RNF39: variants seen among roughly 807,000 people sequenced by gnomAD.
RNF39 encodes LTP (long-term potentiation) induced RING finger protein.
A neutral mutation model predicts 29.2 loss-of-function variants in RNF39; 25 were observed. The observed-to-expected ratio is 0.86, with a 90% confidence interval of 0.62 to 1.20. RNF39 has a LOEUF of 1.20. Among genes scored for constraint, RNF39 ranks in the 50% most tolerant of loss-of-function variants. The probability of loss-of-function intolerance (pLI) is 0.00; values close to 1 mark genes in which losing one functional copy is unlikely to be tolerated. For synonymous variants in RNF39, 219 were observed against 229.0 expected (o/e 0.96, Z 0.40); for missense variants, 519 against 515.0 (o/e 1.01, Z -0.08).
rs747366613 is a variant in RNF39, at chr6:30,075,277, C to A, written c.309G>T (p.Gly103=). The part of the protein sequence containing the change: ...EKLAEPGARA[G]RRRGGRIPTM... ...TGGGGATGCGCCCCCCTCGGCGTCT[C>A]CCCGCACGGGCCCCAGGCTCAGCCA... Residue 103 remains glycine (G), a synonymous_variant, in exon 1 of 4, where the codon GGG becomes GGT. Coordinates refer to ENST00000244360, the MANE Select transcript of RNF39 (RefSeq NM_025236.4). 4 of 1,599,298 alleles carry A rather than the reference C, an allele frequency of 2.5e-6. No homozygotes were observed. Among genetic ancestry groups the A allele is most frequent in the Non-Finnish European group, 3.4e-6 (4 of 1,176,168 alleles).
In RNF39 at chr6:30,071,336, G is replaced by A. The variant is rs1322924802; in HGVS notation, c.834C>T (p.Ala278=). 1 of 1,467,268 alleles carries A rather than the reference G, an allele frequency of 6.8e-7. No individual in the cohort carries two copies. Among genetic ancestry groups the A allele is most frequent in the South Asian group, 1.4e-5 (1 of 70,070 alleles). The allele number at this position is 1,467,268 out of a possible 1,614,324, so 90.9% of individuals were successfully genotyped here. A position where few individuals can be genotyped will look rare whatever the true frequency, so the allele number is the denominator to read the frequency against. The part of the protein sequence containing the change: ...AVEGRGGRLW[A]LTAPEPTLLG... The stretch of plus-strand genomic sequence containing the variant: ...GCAGGGTGGGTTCGGGTGCCGTGAG[G>A]GCCCACAGGCGGCCGCCGCGGCCCT... The change falls in exon 4 of 4, where the codon GCC becomes GCT. Residue 278 remains alanine, a synonymous_variant. Coordinates refer to ENST00000244360, the MANE Select transcript of RNF39 (RefSeq NM_025236.4). This position sits in a 1 kb window ranked among gnomAD's most constrained non-coding sequence, Gnocchi z 5.0.
rs769873687 is a variant in RNF39 at position 30,073,268 on chromosome 6, G to A, written c.387-20C>T. 1 of 1,572,518 alleles carries A rather than the reference G, an allele frequency of 6.4e-7. No homozygotes were observed. Among genetic ancestry groups the A allele is most frequent in the Non-Finnish European group, 8.8e-7 (1 of 1,142,602 alleles). On this transcript the variant is annotated intron_variant, in intron 2 of 3. Transcript: ENST00000244360. ...TCAAATCTACACAGATGAGGGGAAG[G>A]GTCAGGAAATCAGCCCTCTGATCCT...
chr6:30,073,194 A>G lies in RNF39; in HGVS notation c.441T>C (p.Asp147=), dbSNP rs774744244. The change falls in exon 3 of 4, where the codon GAT becomes GAC. Residue 147 remains aspartate, a synonymous_variant. Coordinates refer to ENST00000244360, the MANE Select transcript of RNF39 (RefSeq NM_025236.4). ...GAAGCATTTTTTTGACCACTGGATA[A>G]TCTTCAGGGAGATCATCCTCTGAAT... ...SSNSEDDLPE[D]YPVVKKMLHR... 17 of 1,612,554 alleles carry G rather than the reference A, an allele frequency of 1.1e-5. No individual in the cohort carries two copies. In the East Asian group the frequency reaches 3.8e-4, roughly 36 times the overall value.
chr6:30,074,358 G>C lies in RNF39; in HGVS notation c.363+865C>G, dbSNP rs895222492. Among the ~76,000 whole-genome samples the C allele has an allele frequency of 6.6e-6, 1 of 152,206 alleles. No homozygotes were observed. Among genetic ancestry groups the C allele is most frequent in the Non-Finnish European group, 1.5e-5 (1 of 68,032 alleles). ...GGGAAGAAGCCAGTCAGGAGTCCCAGACGCCCAGGGGTCGGTCGGGCAAGG... is the reference window on the plus strand; with the variant it reads ...GGGAAGAAGCCAGTCAGGAGTCCCACACGCCCAGGGGTCGGTCGGGCAAGG... On this transcript the variant is annotated intron_variant, in intron 1 of 3. Coordinates refer to ENST00000244360, the MANE Select transcript of RNF39 (RefSeq NM_025236.4). The surrounding 1 kb of genome is among the most constrained non-coding windows in gnomAD (Gnocchi z 4.1).
At chr6:30,073,783 T>TGACTGTTTCTTGTCCTC (rs1033700323) in intron 1 of RNF39, among the ~76,000 whole-genome samples, 2 of 152,136 alleles carry the variant, frequency 1.3e-5, no homozygotes, top group African/African-American at 2.4e-5. Context: ...GGCTCGTCCG[T>TGACTGTTTCTTGTCCTC]GACTGTTTCT....
At position 30,075,283 on chromosome 6, in the gene RNF39, A is replaced by T; in HGVS notation, c.303T>A (p.Arg101=). ...LREKLAEPGA[R]AGRRRGGRIP... is the part of the protein sequence containing the mutation. ...TGCGCCCCCCTCGGCGTCTCCCCGC[A>T]CGGGCCCCAGGCTCAGCCAGCTTCT... The change falls in exon 1 of 4, where the codon CGT becomes CGA. Residue 101 remains arginine (R), a synonymous_variant. Coordinates refer to ENST00000244360, the MANE Select transcript of RNF39 (RefSeq NM_025236.4). The T allele has an allele frequency of 2.5e-6, 4 of 1,598,900 alleles. No individual in the cohort carries two copies. Among genetic ancestry groups the T allele is most frequent in the Non-Finnish European group, 3.4e-6 (4 of 1,175,726 alleles).
chr6:30,071,620 G>A lies in RNF39; in HGVS notation c.550C>T (p.Leu184=). The change falls in exon 4 of 4, where the codon CTG becomes TTG. Residue 184 remains leucine, a synonymous_variant. Coordinates refer to ENST00000244360, the MANE Select transcript of RNF39 (RefSeq NM_025236.4). This position sits in a 1 kb window ranked among gnomAD's most constrained non-coding sequence, Gnocchi z 5.0. Reference sequence around the variant, plus strand: ...GGCGCGGGCGTCCCTGGTGGGGCCAGTTGTACGCTGCGGCGGTCGGCGGAG... The same window carrying A: ...GGCGCGGGCGTCCCTGGTGGGGCCAATTGTACGCTGCGGCGGTCGGCGGAG... ...LISADRRSVQ[L]APPGTPAPPD... 1 of 1,451,484 alleles carries A rather than the reference G, an allele frequency of 6.9e-7. No individual in the cohort carries two copies. The allele number at this position is 1,451,484 out of a possible 1,614,324, so 89.9% of individuals were successfully genotyped here.
Position 30,074,177 on chromosome 6 carries a change from C to T in RNF39, c.364-699G>A, listed in dbSNP as rs1766217929. Among the ~76,000 whole-genome samples the T allele has an allele frequency of 6.6e-6, 1 of 152,226 alleles. No individual in the cohort carries two copies. Among genetic ancestry groups the T allele is most frequent in the Non-Finnish European group, 1.5e-5 (1 of 68,042 alleles). The stretch of plus-strand genomic sequence containing the variant: ...CCAAACACTGGGATACCGACCCCTC[C>T]ACTTCACTGTCTAGTGCTGATGGCT... On this transcript the variant is annotated intron_variant, in intron 1 of 3. Transcript: ENST00000244360. The surrounding 1 kb of genome is among the most constrained non-coding windows in gnomAD (Gnocchi z 4.1).
chr6:30,071,567 C>T lies in RNF39; in HGVS notation c.603G>A (p.Gln201=). 6.7e-7 allele frequency: 1 copy of T among 1,496,004 alleles called. No homozygotes were observed. The allele number at this position is 1,496,004 out of a possible 1,614,324, so 92.7% of individuals were successfully genotyped here. The change falls in exon 4 of 4, where the codon CAG becomes CAA. Residue 201 remains glutamine, a synonymous_variant. Coordinates refer to ENST00000244360, the MANE Select transcript of RNF39 (RefSeq NM_025236.4). The surrounding 1 kb of genome is among the most constrained non-coding windows in gnomAD (Gnocchi z 5.0). ...CCTGCGCACCCAGCACAGCTGGGAG[C>T]TGATCGAAGCGCTTGGGGCCGTCAG... The part of the protein sequence containing the change: ...APPDGPKRFD[Q]LPAVLGAQGF...
chr6:30,071,400 CA>C lies in RNF39; in HGVS notation c.769del (p.Cys257AlafsTer2), dbSNP rs750276013. The C allele has an allele frequency of 2.7e-6, 4 of 1,487,160 alleles. No homozygotes were observed. In the Admixed American group the frequency reaches 9.5e-5, roughly 35 times the overall value. The allele number at this position is 1,487,160 out of a possible 1,614,324, so 92.1% of individuals were successfully genotyped here. A position where few individuals can be genotyped will look rare whatever the true frequency, so the allele number is the denominator to read the frequency against. ...GGCCCCCGCAGGGCACAGCCTTACG[CA>C]GCCCTTGCGTTGCACTGATTCCCCG... is the stretch of plus-strand genomic sequence containing the variant. The part of the protein sequence containing the change: ...AAGESVQRKG[C>X]VRLCPAGAVW... On this transcript the variant is annotated frameshift_variant, in exon 4 of 4. Transcript: ENST00000244360. LOFTEE classifies it high-confidence loss of function. The surrounding 1 kb of genome is among the most constrained non-coding windows in gnomAD (Gnocchi z 5.0).
rs1766242086 is a variant in RNF39 at position 30,074,450 on chromosome 6, G to A, written c.363+773C>T. Among the ~76,000 whole-genome samples the A allele has an allele frequency of 6.6e-6, 1 of 152,042 alleles. No homozygotes were observed. The highest frequency in any genetic ancestry group is 1.5e-5 in the Non-Finnish European group (1 of 67,998). On this transcript the variant is annotated intron_variant, in intron 1 of 3. Coordinates refer to ENST00000244360, the MANE Select transcript of RNF39 (RefSeq NM_025236.4). The surrounding 1 kb of genome is among the most constrained non-coding windows in gnomAD (Gnocchi z 4.1). ...GGCGCGGGGGGTAGATGGGTGGTAA[G>A]ACTGGGATGTGGAGAGGAGCCAGAG...
rs376658209 is a variant in RNF39 at position 30,072,200 on chromosome 6, A to G, written c.479-509T>C. On this transcript the variant is annotated intron_variant, in intron 3 of 3. Coordinates refer to ENST00000244360, the MANE Select transcript of RNF39 (RefSeq NM_025236.4). The surrounding 1 kb of genome is among the most constrained non-coding windows in gnomAD (Gnocchi z 4.5). ...GGTATCCTGAGAAACCAGCCCACCC[A>G]CCCACAGGAATTGGGGGGTGGGGTG... is the stretch of plus-strand genomic sequence containing the variant. 2.4e-4 allele frequency among the ~76,000 whole-genome samples: 37 copies of G among 152,166 alleles called. 1 individual carries two copies. The East Asian group carries it at 3.5e-3, about 14-fold the overall frequency.
At position 30,072,770 on chromosome 6, in the gene RNF39, AG is replaced by A. The variant is rs1317432447; in HGVS notation, c.478+386del. On this transcript the variant is annotated intron_variant, in intron 3 of 3. Transcript: ENST00000244360. This position sits in a 1 kb window ranked among gnomAD's most constrained non-coding sequence, Gnocchi z 4.5. ...TAATCAAGTTAAAATGAAGGTCATT[AG>A]GGTGGGCTCTAATCCAGATTGCTGA... Among the ~76,000 whole-genome samples the A allele has an allele frequency of 6.6e-6, 1 of 152,220 alleles. No individual in the cohort carries two copies. Among genetic ancestry groups the A allele is most frequent in the Non-Finnish European group, 1.5e-5 (1 of 68,036 alleles).
chr6:30,071,122 C>T lies in RNF39; in HGVS notation c.1048G>A (p.Ala350Thr), dbSNP rs1399854541. The T allele has an allele frequency of 6.4e-7, 1 of 1,560,732 alleles. No individual in the cohort carries two copies. The highest frequency in any genetic ancestry group is 8.7e-7 in the Non-Finnish European group (1 of 1,153,408). Residue 350 changes from alanine to threonine, a missense_variant, in exon 4 of 4, where the codon GCG becomes ACG. Coordinates refer to ENST00000244360, the MANE Select transcript of RNF39 (RefSeq NM_025236.4). This position sits in a 1 kb window ranked among gnomAD's most constrained non-coding sequence, Gnocchi z 5.0. ...GTTGGAGACGAGACTCAGCTTTCCG[C>T]TGGTACAATGCGGAGCGGAGCACGA... is the stretch of plus-strand genomic sequence containing the variant. ...DPRAPLRIVPAES is the reference protein window; with the variant it reads ...DPRAPLRIVPTES
At position 30,071,776 on chromosome 6, in the gene RNF39, A is replaced by AATAG. The variant is rs951500778; in HGVS notation, c.479-86_479-85insCTAT. ...GTAGGGTGGAGAATAGTCAACGAAG[A>AATAG]TCACGTAAAAGACTGAGAGCTAGTG... On this transcript the variant is annotated intron_variant, in intron 3 of 3. Transcript: ENST00000244360. This position sits in a 1 kb window ranked among gnomAD's most constrained non-coding sequence, Gnocchi z 5.0. 8.5e-7 allele frequency: 1 copy of AATAG among 1,179,468 alleles called. No individual in the cohort carries two copies. The highest frequency in any genetic ancestry group is 1.7e-5 in the South Asian group (1 of 57,178). 73.1% of individuals were successfully genotyped at this position (1,179,468 alleles called of 1,614,324 possible).
In RNF39 at chr6:30,074,527, C is replaced by A. The variant is rs1159687171; in HGVS notation, c.363+696G>T. Reference sequence around the variant, plus strand: ...CGCCTCCACCCCTGGCCGCTCCTGCCTGGGGCCTTGGGAGGAGCCGAAATA... The same window carrying A: ...CGCCTCCACCCCTGGCCGCTCCTGCATGGGGCCTTGGGAGGAGCCGAAATA... On this transcript the variant is annotated intron_variant, in intron 1 of 3. Transcript: ENST00000244360. The surrounding 1 kb of genome is among the most constrained non-coding windows in gnomAD (Gnocchi z 4.1). Among the ~76,000 whole-genome samples the A allele has an allele frequency of 6.6e-6, 1 of 152,104 alleles. No homozygotes were observed. Among genetic ancestry groups the A allele is most frequent in the East Asian group, 1.9e-4 (1 of 5,172 alleles).
chr6:30,071,375 G>T lies in RNF39; in HGVS notation c.795C>A (p.Ala265=). Residue 265 remains alanine (A), a synonymous_variant, in exon 4 of 4, where the codon GCC becomes GCA. Coordinates refer to ENST00000244360, the MANE Select transcript of RNF39 (RefSeq NM_025236.4). The surrounding 1 kb of genome is among the most constrained non-coding windows in gnomAD (Gnocchi z 5.0). ...CGCCGCGGCCCTCCACGGCCCACAC[G>T]GCCCCCGCAGGGCACAGCCTTACGC... ...KGCVRLCPAG[A]VWAVEGRGGR... is the part of the protein sequence containing the mutation. 1.4e-6 allele frequency: 2 copies of T among 1,467,198 alleles called. No homozygotes were observed. Among genetic ancestry groups the T allele is most frequent in the East Asian group, 2.5e-5 (1 of 39,754 alleles). 90.9% of individuals were successfully genotyped at this position (1,467,198 alleles called of 1,614,324 possible).
chr6:30,073,112 A>T, intron 3 of RNF39, 45 bp downstream of exon 3: 1 of 1,324,888 alleles, frequency 7.5e-7, no homozygotes. Flanking sequence ...AAAATCTAAC[A>T]CAGACTTTCA....
Position 30,075,261 on chromosome 6 carries a change from GC to G in RNF39, c.324del (p.Arg109AlafsTer15). 6.3e-7 allele frequency: 1 copy of G among 1,597,672 alleles called. No individual in the cohort carries two copies. ...PGARAGRRRG[G>X]RIPTMGCLDL... ...TCCAGGCAGCCCATGGTGGGGATGC[GC>G]CCCCCTCGGCGTCTCCCCGCACGGG... On this transcript the variant is annotated frameshift_variant, in exon 1 of 4. Transcript: ENST00000244360. LOFTEE classifies it high-confidence loss of function.
Sources: gnomAD v4.1 joint callset for allele counts (sites outside exome capture counted in the v4.1 genomes callset) on GRCh38, gnomAD v4.1.1 for gene constraint, Gnocchi (gnomAD v3.1) non-coding constraint, MANE v1.5 for transcripts, NCBI Gene and HGNC (gene_info 2026-07-23, HGNC 2026-07-21) for gene names.